NELL1: variants seen among roughly 807,000 people sequenced by gnomAD.
NELL1 encodes neural EGFL like 1.
A neutral mutation model predicts 107.4 loss-of-function variants in NELL1; 76 were observed. That is an observed-to-expected ratio of 0.71 (90% CI 0.59 to 0.86). The LOEUF is 0.86. Among genes scored for constraint, NELL1 ranks in the 40% least tolerant of loss-of-function variants. NELL1 has a pLI of 0.00. For synonymous variants in NELL1, 353 were observed against 341.2 expected, an observed-to-expected ratio of 1.03 and a Z score of -0.38; for missense variants, 1,024 against 1,005.5, an observed-to-expected ratio of 1.02 and a Z score of -0.25.
At chr11:20,810,912 C>T (rs1176162165) in intron 3 of NELL1, among the ~76,000 whole-genome samples, 1 of 151,848 alleles carries the variant, frequency 6.6e-6, no homozygotes, top group African/African-American at 2.4e-5. Context: ...AACCCCTTAT[C>T]AGATGTATAG....
At chr11:20,876,655 CT>C (rs1248354897) in intron 4 of NELL1, among the ~76,000 whole-genome samples, 33 of 152,128 alleles carry the variant, frequency 2.2e-4, no homozygotes, top group African/African-American at 7.2e-4. Context: ...GTCCCAGCTA[CT>C]TGGGAGGCTG....
intron 13 of NELL1, among the ~76,000 whole-genome samples, chr11:21,206,428 A>G (rs949489270): frequency 3.3e-5 from 5 of 152,132 alleles, no homozygotes; most frequent in African/African-American, 4.8e-5. Context: ...TTCACAAATA[A>G]TGTCACATTC....
intron 12 of NELL1, among the ~76,000 whole-genome samples, chr11:20,965,982 C>A (rs1851380252): frequency 1.3e-5 from 2 of 152,138 alleles, no homozygotes; most frequent in African/African-American, 4.8e-5. Flanking sequence ...TAGGTAACTT[C>A]TTTTACATTT....
intron 15 of NELL1, among the ~76,000 whole-genome samples, chr11:21,456,767 AG>A (rs1853755797): frequency 2.0e-5 from 3 of 152,220 alleles, no homozygotes; most frequent in South Asian, 4.1e-4. Flanking sequence ...GAAAGGGTGC[AG>A]GTGGAGACCA....
At chr11:21,012,979 T>TTTTA (rs111992703) in intron 12 of NELL1, among the ~76,000 whole-genome samples, 6 of 151,674 alleles carry the variant, frequency 4.0e-5, no homozygotes, top group African/African-American at 1.5e-4. Context: ...CTTGTGGCTG[T>TTTTA]TTTGTTTGTT....
intron 12 of NELL1, among the ~76,000 whole-genome samples, chr11:21,108,077 G>A (rs760140739): frequency 3.3e-5 from 5 of 152,166 alleles, no homozygotes; most frequent in African/African-American, 9.7e-5. Flanking sequence ...CCAAAAACAT[G>A]TTCTCAAGAG....
At position 21,169,486 on chromosome 11, in the gene NELL1, G is replaced by C. The variant is rs146718411; in HGVS notation, c.1426+55772G>C. On this transcript the variant is annotated intron_variant, in intron 13 of 19. Coordinates refer to ENST00000357134, the MANE Select transcript of NELL1 (RefSeq NM_006157.5). The stretch of plus-strand genomic sequence containing the variant: ...GCAGAACTCCAGGGTATACATTTCT[G>C]TTGCTGATGTTACTGTTGGCTTGAC... Among the ~76,000 whole-genome samples the C allele has an allele frequency of 3.7e-3, 569 of 151,904 alleles. 14 individuals carry two copies. Among genetic ancestry groups the C allele is most frequent in the African/African-American group, 0.013 (524 of 41,230 alleles).
At chr11:21,145,445 G>A (rs1265973728) in intron 13 of NELL1, among the ~76,000 whole-genome samples, 1 of 152,128 alleles carries the variant, frequency 6.6e-6, no homozygotes, top group African/African-American at 2.4e-5. Context: ...TGTGGTAGAA[G>A]GAAAGAGCTG....
chr11:21,008,816 G>T (rs1269107707), intron 12 of NELL1, among the ~76,000 whole-genome samples: 2 of 152,058 alleles, frequency 1.3e-5, no homozygotes, highest in Non-Finnish European at 1.5e-5. Context: ...ATGCAATTAT[G>T]ATTTAACAGT....
In NELL1 at chr11:21,573,331, G is replaced by A. The variant is rs1257145269; in HGVS notation, c.2304G>A (p.Leu768=). 6.2e-7 allele frequency: 1 copy of A among 1,612,484 alleles called. No homozygotes were observed. The change falls in exon 19 of 20, where the codon CTG becomes CTA. Residue 768 remains leucine, a synonymous_variant. Coordinates refer to ENST00000357134, the MANE Select transcript of NELL1 (RefSeq NM_006157.5). The part of the protein sequence containing the change: ...NITYDIRKTC[L]DSYGVSRLSG... ...CCTATGACATCAGAAAAACTTGCCT[G>A]GACAGCTATGGTGTTTCACGGCTTA... is the stretch of plus-strand genomic sequence containing the variant.
At position 20,986,598 on chromosome 11, in the gene NELL1, T is replaced by A. The variant is rs567965583; in HGVS notation, c.1300+26038T>A. On this transcript the variant is annotated intron_variant, in intron 12 of 19. Coordinates refer to ENST00000357134, the MANE Select transcript of NELL1 (RefSeq NM_006157.5). ...CCCTTAGAGTTTCTGATTCATTAGGTCTCAGGTAGGGCTTGATAATTTGGC... is the reference window on the plus strand; with the variant it reads ...CCCTTAGAGTTTCTGATTCATTAGGACTCAGGTAGGGCTTGATAATTTGGC... Among the ~76,000 whole-genome samples, 6 of 152,252 alleles carry A rather than the reference T, an allele frequency of 3.9e-5. No homozygotes were observed. The East Asian group carries it at 1.2e-3, about 29-fold the overall frequency.
intron 15 of NELL1, among the ~76,000 whole-genome samples, chr11:21,382,715 T>C (rs1851641594): frequency 1.3e-5 from 2 of 151,886 alleles, no homozygotes. Flanking sequence ...TTTAAATAGA[T>C]TGGCATTCTC....
chr11:20,782,564 T>C (rs1484235422), intron 2 of NELL1, among the ~76,000 whole-genome samples: 1 of 152,204 alleles, frequency 6.6e-6, no homozygotes, highest in East Asian at 1.9e-4. Flanking sequence ...TCAGAAGCCA[T>C]TCTTTAGGAT....
intron 15 of NELL1, among the ~76,000 whole-genome samples, chr11:21,478,183 A>G (rs2133895629): frequency 1.3e-5 from 2 of 152,246 alleles, no homozygotes. Context: ...CTTTTAAACC[A>G]TCAGATCTCC....
intron 15 of NELL1, among the ~76,000 whole-genome samples, chr11:21,459,790 AGGT>A (rs1853851926): frequency 1.3e-5 from 2 of 151,998 alleles, no homozygotes; most frequent in Admixed American, 1.3e-4. Context: ...GGTAGAGGAG[AGGT>A]GGTAAAGTGG....
intron 15 of NELL1, among the ~76,000 whole-genome samples, chr11:21,445,311 C>CTTGTTT (rs111903241): frequency 2.7e-5 from 4 of 150,562 alleles, no homozygotes; most frequent in South Asian, 2.1e-4. Context: ...TGTTTTTGTT[C>CTTGTTT]TTGTTTTTGT....
chr11:21,301,488 A>G (rs1849491180), intron 14 of NELL1, among the ~76,000 whole-genome samples: 1 of 152,162 alleles, frequency 6.6e-6, no homozygotes, highest in Non-Finnish European at 1.5e-5. Flanking sequence ...CATTTCTCTG[A>G]TGACCAGTGA....
intron 2 of NELL1, among the ~76,000 whole-genome samples, chr11:20,689,889 T>G (rs1265188866): frequency 2.0e-5 from 3 of 151,292 alleles, no homozygotes; most frequent in East Asian, 1.9e-4. Flanking sequence ...TGAACTAGTT[T>G]ACAGTCCCAC....
chr11:20,822,529 T>A (rs1166723373), intron 3 of NELL1, among the ~76,000 whole-genome samples: 1 of 152,054 alleles, frequency 6.6e-6, no homozygotes, highest in Non-Finnish European at 1.5e-5. Flanking sequence ...GGCCTGCAGG[T>A]GTGGGTGGGT....
Sources: gnomAD v4.1 joint callset for allele counts (sites outside exome capture counted in the v4.1 genomes callset) on GRCh38, gnomAD v4.1.1 for gene constraint, MANE v1.5 for transcripts, NCBI Gene and HGNC (gene_info 2026-07-23, HGNC 2026-07-21) for gene names.